TFDP2: variants seen among roughly 807,000 people sequenced by gnomAD.
The protein encoded by TFDP2 is transcription factor Dp-2 (E2F dimerization partner 2).
Under a neutral mutation model 59.3 loss-of-function variants are expected in TFDP2, and 17 were observed. The observed-to-expected ratio is 0.29, with a 90% CI of 0.20 to 0.43. The LOEUF (loss-of-function observed/expected upper bound fraction) is 0.43. Ranked by LOEUF, TFDP2 falls within the 20% of genes least tolerant of loss-of-function variation. The probability of loss-of-function intolerance (pLI) is 1.00; values close to 1 mark genes in which losing one functional copy is unlikely to be tolerated. For synonymous variants in TFDP2, 180 were observed against 194.7 expected (o/e 0.92, Z 0.63); for missense variants, 391 against 528.8 (o/e 0.74, Z 2.56).
At chr3:142,137,707 C>T (rs1256974111) in intron 1 of TFDP2, among the ~76,000 whole-genome samples, 4 of 152,122 alleles carry the variant, frequency 2.6e-5, no homozygotes, top group Non-Finnish European at 5.9e-5. Context: ...GTTGAACCAG[C>T]CTTGCATCCT....
intron 1 of TFDP2, among the ~76,000 whole-genome samples, chr3:142,113,987 TC>T (rs1460658951): frequency 6.6e-6 from 1 of 151,744 alleles, no homozygotes; most frequent in East Asian, 1.9e-4. Flanking sequence ...ACACGGTGAA[TC>T]CCCGCCTCTA....
intron 6 of TFDP2, among the ~76,000 whole-genome samples, chr3:141,991,365 C>T (rs1370579524): frequency 6.6e-6 from 1 of 152,096 alleles, no homozygotes; most frequent in Non-Finnish European, 1.5e-5. Flanking sequence ...AAAAGTTTCA[C>T]TTCTTGTTAA....
chr3:141,966,003 G>A (rs901223285), intron 9 of TFDP2, among the ~76,000 whole-genome samples: 1 of 151,020 alleles, frequency 6.6e-6, no homozygotes, highest in Non-Finnish European at 1.5e-5. Context: ...CTAACTTGGT[G>A]TCTGTCCCTA....
At chr3:141,979,312 A>G (rs1162211576) in intron 6 of TFDP2, among the ~76,000 whole-genome samples, 1 of 152,236 alleles carries the variant, frequency 6.6e-6, no homozygotes, top group East Asian at 1.9e-4. Flanking sequence ...ATACTTGATA[A>G]TGATAATAAA....
intron 1 of TFDP2, among the ~76,000 whole-genome samples, chr3:142,117,848 G>A (rs571110614): frequency 1.2e-4 from 19 of 152,294 alleles, no homozygotes; most frequent in Non-Finnish European, 2.5e-4. Context: ...TGTAATCCCA[G>A]CACTTTGGGA....
At chr3:142,043,327 G>A (rs901263628) in intron 3 of TFDP2, among the ~76,000 whole-genome samples, 16 of 151,846 alleles carry the variant, frequency 1.1e-4, no homozygotes, top group African/African-American at 3.6e-4. Flanking sequence ...GATTACAGGC[G>A]TGAGCCACCG....
chr3:142,062,963 A>G (rs543275570), intron 3 of TFDP2, among the ~76,000 whole-genome samples: 3 of 152,334 alleles, frequency 2.0e-5, no homozygotes, highest in South Asian at 4.1e-4. Context: ...TCATGATAGC[A>G]GTTATCCTTG....
intron 1 of TFDP2, among the ~76,000 whole-genome samples, chr3:142,115,591 T>G (rs1326256668): frequency 6.6e-6 from 1 of 152,244 alleles, no homozygotes; most frequent in African/African-American, 2.4e-5. Context: ...GTACTGGGAT[T>G]ACAGGCGTGA....
intron 6 of TFDP2, among the ~76,000 whole-genome samples, 160 bp downstream of exon 6, chr3:141,993,378 G>A (rs1420006015): frequency 2.6e-5 from 4 of 152,144 alleles, no homozygotes; most frequent in Non-Finnish European, 5.9e-5. Context: ...GATACTATGA[G>A]TGAACTGGGG....
chr3:141,964,643 C>A (rs1343755174), intron 9 of TFDP2, among the ~76,000 whole-genome samples: 1 of 151,788 alleles, frequency 6.6e-6, no homozygotes, highest in Non-Finnish European at 1.5e-5. Context: ...CAGAATGAGA[C>A]CCTGTCTCAA....
At chr3:142,072,437 C>T (rs1290881627) in intron 3 of TFDP2, among the ~76,000 whole-genome samples, 2 of 152,116 alleles carry the variant, frequency 1.3e-5, no homozygotes, top group Admixed American at 6.5e-5. Flanking sequence ...ATCACAGACA[C>T]AAAGGATAAA....
intron 1 of TFDP2, among the ~76,000 whole-genome samples, chr3:142,136,419 A>T (rs1022592708): frequency 6.6e-6 from 1 of 151,910 alleles, no homozygotes; most frequent in Non-Finnish European, 1.5e-5. Context: ...GAAGCTCTTT[A>T]GTTTAATTAG....
Position 142,067,101 on chromosome 3 carries a change from C to T in TFDP2, c.82+25960G>A, listed in dbSNP as rs529504968. Among the ~76,000 whole-genome samples the T allele has an allele frequency of 7.9e-5, 12 of 152,254 alleles. 1 individual carries two copies. The highest frequency in any genetic ancestry group is 2.9e-4 in the African/African-American group (12 of 41,562). ...TTTCCTCCTAATATGGGGAACAAGGCAAGGATTTCTGCTGCCACCATTTTT... is the reference window on the plus strand; with the variant it reads ...TTTCCTCCTAATATGGGGAACAAGGTAAGGATTTCTGCTGCCACCATTTTT... On this transcript the variant is annotated intron_variant, in intron 3 of 12. Transcript: ENST00000489671.
chr3:142,038,610 T>C (rs1451377261), intron 3 of TFDP2, among the ~76,000 whole-genome samples: 1 of 152,088 alleles, frequency 6.6e-6, no homozygotes, highest in Non-Finnish European at 1.5e-5. Context: ...CATGCTCATG[T>C]CAGAAAAAAC....
In TFDP2 at chr3:142,123,235, A is replaced by G. The variant is rs181943284; in HGVS notation, c.-92-21394T>C. On this transcript the variant is annotated intron_variant, in intron 1 of 12. Transcript: ENST00000489671. Reference sequence around the variant, plus strand: ...CTGCAACCTCCACCTCCTGGGTTCAAGTGATTCTCCTGCCTCAGCCTCCCG... The same window carrying G: ...CTGCAACCTCCACCTCCTGGGTTCAGGTGATTCTCCTGCCTCAGCCTCCCG... Among the ~76,000 whole-genome samples the G allele has an allele frequency of 1.9e-3, 282 of 152,284 alleles. 1 individual carries two copies. The highest frequency in any genetic ancestry group is 6.3e-3 in the African/African-American group (260 of 41,566).
intron 3 of TFDP2, among the ~76,000 whole-genome samples, chr3:142,013,507 T>C (rs1037318327): frequency 4.6e-5 from 7 of 152,208 alleles, no homozygotes; most frequent in Admixed American, 2.0e-4. Context: ...TCCTTGGCAA[T>C]AGGAGCTCGA....
intron 1 of TFDP2, among the ~76,000 whole-genome samples, chr3:142,114,140 G>C (rs2061765736): frequency 6.6e-6 from 1 of 151,726 alleles, no homozygotes; most frequent in Non-Finnish European, 1.5e-5. Flanking sequence ...ACTCCAGCCC[G>C]GGCGACAAAG....
chr3:142,100,201 C>G (rs1447160542), intron 2 of TFDP2, among the ~76,000 whole-genome samples: 1 of 152,234 alleles, frequency 6.6e-6, no homozygotes, highest in East Asian at 1.9e-4. Flanking sequence ...CCTTTATCAT[C>G]TTTCCTCACA....
Position 141,949,334 on chromosome 3 carries a change from G to C in TFDP2, c.*3179C>G, listed in dbSNP as rs1157867185. 6.6e-6 allele frequency: 1 copy of C among 152,152 alleles called. No homozygotes were observed. Among genetic ancestry groups the C allele is most frequent in the Non-Finnish European group, 1.5e-5 (1 of 68,058 alleles). The allele number at this position is 152,152 out of a possible 1,614,324, so 9.4% of individuals were successfully genotyped here. A position where few individuals can be genotyped will look rare whatever the true frequency, so the allele number is the denominator to read the frequency against. ...GGCCATTGTCTGTAGTTTCTCGGGC[G>C]GTGGGTGTCGCTGAGGGGTGGAGGA... On this transcript the variant is annotated 3_prime_UTR_variant, in exon 13 of 13. Coordinates refer to ENST00000489671, the MANE Select transcript of TFDP2 (RefSeq NM_001178139.2).
Sources: allele counts gnomAD v4.1 joint callset (sites outside exome capture counted in the v4.1 genomes callset), GRCh38; gene constraint gnomAD v4.1.1; transcripts MANE v1.5; gene names NCBI Gene and HGNC (gene_info 2026-07-23, HGNC 2026-07-21).